Variants in PIK3C2G observed in about 807,000 individuals in gnomAD.
The protein encoded by PIK3C2G is phosphatidylinositol-4-phosphate 3-kinase catalytic subunit type 2 gamma, also known as phosphatidylinositol 3-kinase C2 domain-containing subunit gamma.
PIK3C2G carries 168 observed loss-of-function variants against 181.1 expected under a neutral mutation model. That is an observed-to-expected ratio of 0.93 (90% confidence interval 0.82 to 1.05). The LOEUF (loss-of-function observed/expected upper bound fraction) is 1.05, where lower values mean the gene tolerates loss of function less well. Ranked by LOEUF, PIK3C2G falls within the 50% of genes least tolerant of loss-of-function variation. PIK3C2G has a pLI of 0.00. For missense variants in PIK3C2G, 1,869 were observed against 1,732.8 expected (o/e 1.08, Z -1.40); for synonymous variants, 573 against 592.2 (o/e 0.97, Z 0.47).
chr12:18,499,973 G>T (rs1157566857), intron 22 of PIK3C2G, among the ~76,000 whole-genome samples: 1 of 152,238 alleles, frequency 6.6e-6, no homozygotes, highest in Non-Finnish European at 1.5e-5. Flanking sequence ...TGTGAGAGGT[G>T]ACAGCGTGCT....
intron 14 of PIK3C2G, among the ~76,000 whole-genome samples, chr12:18,386,143 C>G (rs1179222406): frequency 6.6e-6 from 1 of 152,158 alleles, no homozygotes; most frequent in African/African-American, 2.4e-5. Context: ...TTCCACTGCT[C>G]TCTGATCATC....
intron 24 of PIK3C2G, among the ~76,000 whole-genome samples, chr12:18,517,388 T>C (rs1328745672): frequency 6.6e-6 from 1 of 152,212 alleles, no homozygotes. Flanking sequence ...TCCATTTGTT[T>C]GCGTCTTCTT....
At chr12:18,323,525 C>T (rs569711777) in intron 7 of PIK3C2G, among the ~76,000 whole-genome samples, 110 of 152,266 alleles carry the variant, frequency 7.2e-4, no homozygotes, top group African/African-American at 2.6e-3. Context: ...GGGTATCTAA[C>T]ACAGAGACAT....
intron 1 of PIK3C2G, among the ~76,000 whole-genome samples, chr12:18,251,392 T>A (rs1948094078): frequency 6.6e-6 from 1 of 152,000 alleles, no homozygotes; most frequent in South Asian, 2.1e-4. Context: ...AGCCTTGTTG[T>A]TTACTACCTG....
At chr12:18,353,186 A>T (rs1396374434) in intron 11 of PIK3C2G, among the ~76,000 whole-genome samples, 1 of 152,154 alleles carries the variant, frequency 6.6e-6, no homozygotes, top group South Asian at 2.1e-4. Flanking sequence ...GACAGGGGGC[A>T]TTGTTTTGGG....
chr12:18,628,275 T>C lies in PIK3C2G; in HGVS notation c.4183-12154T>C, dbSNP rs1233839011. Among the ~76,000 whole-genome samples the C allele has an allele frequency of 2.0e-5, 3 of 152,190 alleles. No individual in the cohort carries two copies. The East Asian group carries it at 5.8e-4, about 29-fold the overall frequency. On this transcript the variant is annotated intron_variant, in intron 31 of 32. Coordinates refer to ENST00000538779, the MANE Select transcript of PIK3C2G (RefSeq NM_001288772.2). ...GAGTGCAAAATAAATATTTTCCCCATATACACATATGAAAATACTGAAGAG... is the reference window on the plus strand; with the variant it reads ...GAGTGCAAAATAAATATTTTCCCCACATACACATATGAAAATACTGAAGAG...
chr12:18,695,126 A>G, the PIK3C2G span: 1 of 1,559,250 alleles, frequency 6.4e-7, no homozygotes, highest in Non-Finnish European at 8.8e-7. Flanking sequence ...AGAGAATACA[A>G]ATAAAGGAAC....
chr12:18,409,462 G>T (rs997216383), intron 16 of PIK3C2G, among the ~76,000 whole-genome samples: 3 of 152,030 alleles, frequency 2.0e-5, no homozygotes, highest in African/African-American at 7.2e-5. Context: ...TGGGTTGATG[G>T]ATGCAGCAAA....
At chr12:18,690,868 G>A in the PIK3C2G span, among the ~76,000 whole-genome samples, 2 of 152,166 alleles carry the variant, frequency 1.3e-5, no homozygotes, top group Admixed American at 1.3e-4. Context: ...AAGGCTAGAA[G>A]TGGTGAGAGA....
chr12:18,354,238 T>A (rs1345470316), intron 11 of PIK3C2G, among the ~76,000 whole-genome samples: 1 of 152,264 alleles, frequency 6.6e-6, no homozygotes, highest in Non-Finnish European at 1.5e-5. Flanking sequence ...CCTCAAGTCC[T>A]GTAGGTAGAA....
intron 18 of PIK3C2G, among the ~76,000 whole-genome samples, chr12:18,437,894 G>A (rs1379008800): frequency 6.6e-6 from 1 of 151,866 alleles, no homozygotes; most frequent in African/African-American, 2.4e-5. Context: ...ATTGAGGAAA[G>A]AGAGTTTTAT....
intron 18 of PIK3C2G, among the ~76,000 whole-genome samples, chr12:18,446,465 C>T (rs769466413): frequency 6.6e-6 from 1 of 152,164 alleles, no homozygotes; most frequent in Non-Finnish European, 1.5e-5. Flanking sequence ...TGGCCGCTGA[C>T]TCATTCCTGA....
chr12:18,380,816 G>A (rs1942785472), intron 13 of PIK3C2G, among the ~76,000 whole-genome samples: 1 of 152,136 alleles, frequency 6.6e-6, no homozygotes, highest in Admixed American at 6.5e-5. Context: ...TCTAAAGAAA[G>A]CTTTATTTGT....
chr12:18,490,569 C>A (rs892592669), intron 19 of PIK3C2G, among the ~76,000 whole-genome samples: 3 of 152,110 alleles, frequency 2.0e-5, no homozygotes, highest in African/African-American at 7.2e-5. Context: ...CTCCTACTCT[C>A]GGTCTCCATT....
At chr12:18,318,323 T>C (rs894064991) in intron 6 of PIK3C2G, among the ~76,000 whole-genome samples, 2 of 152,170 alleles carry the variant, frequency 1.3e-5, no homozygotes, top group African/African-American at 2.4e-5. Flanking sequence ...AAGATGTATA[T>C]GATTTATTGA....
downstream of PIK3C2G, among the ~76,000 whole-genome samples, chr12:18,650,331 C>CTCTCTATA (rs1555163997): frequency 3.3e-5 from 3 of 91,974 alleles, no homozygotes; most frequent in Admixed American, 1.2e-4. Context: ...CTCTCTCTCT[C>CTCTCTATA]TATATATATA....
chr12:18,257,982 G>A (rs768435225), upstream of PIK3C2G, among the ~76,000 whole-genome samples: 3 of 151,984 alleles, frequency 2.0e-5, no homozygotes, highest in African/African-American at 7.3e-5. Context: ...CCTGACTCTC[G>A]GCTGCAAAGG....
intron 2 of PIK3C2G, among the ~76,000 whole-genome samples, chr12:18,283,695 C>T (rs1356299530): frequency 1.3e-5 from 2 of 152,116 alleles, no homozygotes; most frequent in Admixed American, 6.6e-5. Flanking sequence ...TTTGAATTCA[C>T]TTGCAAAAGA....
At chr12:18,666,276 ACT>A in the PIK3C2G span, among the ~76,000 whole-genome samples, 15,928 of 151,920 alleles carry the variant, frequency 0.1, 1,062 homozygotes, top group African/African-American at 0.19. Flanking sequence ...AGTAGATTAA[ACT>A]CTTCAATTAA....
Sources: allele counts gnomAD v4.1 joint callset (sites outside exome capture counted in the v4.1 genomes callset), GRCh38; gene constraint gnomAD v4.1.1; transcripts MANE v1.5; gene names NCBI Gene and HGNC (gene_info 2026-07-23, HGNC 2026-07-21).